CDYL: variants seen among roughly 807,000 people sequenced by gnomAD.
CDYL encodes the protein chromodomain Y like.
CDYL carries 8 observed loss-of-function variants against 47.3 expected under a neutral mutation model. The ratio of observed to expected loss-of-function variants is 0.17; its 90% CI spans 0.10 to 0.31. The LOEUF is 0.31. CDYL is among the 10% of genes least tolerant of loss of function. The pLI is 1.00. For missense variants in CDYL, 471 were observed against 701.4 expected (o/e 0.67, Z 3.71); for synonymous variants, 266 against 265.0 (o/e 1.00, Z -0.04).
intron 1 of CDYL, among the ~76,000 whole-genome samples, chr6:4,819,189 T>C (rs1052414738): frequency 1.3e-5 from 2 of 150,176 alleles, no homozygotes; most frequent in Non-Finnish European, 3.0e-5. Flanking sequence ...TGTGTAGCTC[T>C]TCACCAGTTT....
At chr6:4,845,416 TCTTAA>T (rs1389715750) in intron 1 of CDYL, among the ~76,000 whole-genome samples, 6 of 152,362 alleles carry the variant, frequency 3.9e-5, no homozygotes, top group African/African-American at 1.4e-4. Context: ...GATGAAGTAT[TCTTAA>T]CTTTAGTTTA....
intron 1 of CDYL, among the ~76,000 whole-genome samples, chr6:4,855,690 A>G (rs1561672158): frequency 1.3e-5 from 2 of 152,344 alleles, no homozygotes; most frequent in South Asian, 4.1e-4. Flanking sequence ...TGTAGTTTAC[A>G]TCACAATCTA....
chr6:4,747,168 G>A (rs981856638), intron 3 of CDYL, among the ~76,000 whole-genome samples: 9 of 152,022 alleles, frequency 5.9e-5, no homozygotes, highest in South Asian at 4.2e-4. Flanking sequence ...TTAGCCAAGA[G>A]TGGTGGCGGG....
At chr6:4,724,249 A>C (rs946858407) in intron 2 of CDYL, among the ~76,000 whole-genome samples, 1 of 151,594 alleles carries the variant, frequency 6.6e-6, no homozygotes, top group East Asian at 1.9e-4. Flanking sequence ...GGGTTTCATT[A>C]TATGTTGGCC....
intron 1 of CDYL, among the ~76,000 whole-genome samples, chr6:4,829,259 TAGAATTGG>T (rs1581195154): frequency 1.3e-5 from 2 of 152,212 alleles, no homozygotes; most frequent in Non-Finnish European, 2.9e-5. Flanking sequence ...TGTTGAAGGC[TAGAATTGG>T]CTGTTTAGTG....
intron 4 of CDYL, among the ~76,000 whole-genome samples, chr6:4,938,911 T>C (rs1451523372): frequency 6.6e-6 from 1 of 152,190 alleles, no homozygotes; most frequent in South Asian, 2.1e-4. Context: ...AATCACTCCA[T>C]GTATAATTAG....
intron 5 of CDYL, among the ~76,000 whole-genome samples, chr6:4,947,085 G>A (rs993406239): frequency 1.3e-5 from 2 of 152,200 alleles, no homozygotes; most frequent in Non-Finnish European, 2.9e-5. Flanking sequence ...CCAGGCCCTC[G>A]TGTTTTCTCA....
At chr6:4,739,191 A>AAAAAT (rs560432926) in intron 3 of CDYL, among the ~76,000 whole-genome samples, 7,248 of 149,110 alleles carry the variant, frequency 0.049, 258 homozygotes, top group East Asian at 0.16. Context: ...ATTAAATAAT[A>AAAAAT]AAAATAAAAT....
At chr6:4,842,372 C>T (rs952726744) in intron 1 of CDYL, among the ~76,000 whole-genome samples, 1 of 151,238 alleles carries the variant, frequency 6.6e-6, no homozygotes, top group Non-Finnish European at 1.5e-5. Context: ...ATTAAAGTCC[C>T]CCACTATATA....
In CDYL at chr6:4,776,780, C is replaced by G; in HGVS notation, c.-4C>G. 3.3e-6 allele frequency: 4 copies of G among 1,213,746 alleles called. No individual in the cohort carries two copies. The highest frequency in any genetic ancestry group is 4.2e-6 in the Non-Finnish European group (4 of 952,810). The allele number at this position is 1,213,746 out of a possible 1,614,324, so 75.2% of individuals were successfully genotyped here. ...CCCTCCCGCCCGCAACTCCGCCGCCCACCATGGCTTCCGAGGAGCTGTACG... is the reference window on the plus strand; with the variant it reads ...CCCTCCCGCCCGCAACTCCGCCGCCGACCATGGCTTCCGAGGAGCTGTACG... On this transcript the variant is annotated 5_prime_UTR_variant, in exon 1 of 7. Coordinates refer to ENST00000397588, the MANE Select transcript of CDYL (RefSeq NM_004824.4).
At chr6:4,889,232 TTC>T (rs1761974291) in intron 1 of CDYL, among the ~76,000 whole-genome samples, 1 of 152,132 alleles carries the variant, frequency 6.6e-6, no homozygotes, top group Non-Finnish European at 1.5e-5. Context: ...CTTTTTTTTT[TTC>T]TTTTTTTTGA....
At chr6:4,927,568 A>G (rs11758574) in intron 2 of CDYL, among the ~76,000 whole-genome samples, 4,561 of 151,962 alleles carry the variant, frequency 0.03, 86 homozygotes, top group South Asian at 0.042. Context: ...GGCATGCGCC[A>G]CCACACCCGA....
At chr6:4,843,742 A>G (rs1760572901) in intron 1 of CDYL, among the ~76,000 whole-genome samples, 2 of 151,852 alleles carry the variant, frequency 1.3e-5, no homozygotes, top group African/African-American at 2.4e-5. Context: ...TATCATTTTT[A>G]TGGTTTTATT....
intron 1 of CDYL, among the ~76,000 whole-genome samples, chr6:4,798,532 A>T (rs538931206): frequency 1.3e-5 from 2 of 152,324 alleles, no homozygotes; most frequent in South Asian, 4.1e-4. Context: ...AAGAGTAGAT[A>T]TGGTATACTT....
chr6:4,855,902 T>G (rs1440063697), intron 1 of CDYL, among the ~76,000 whole-genome samples: 2 of 152,242 alleles, frequency 1.3e-5, no homozygotes, highest in African/African-American at 2.4e-5. Flanking sequence ...AGCTCAGTAC[T>G]GGGCATCTCA....
intron 2 of CDYL, among the ~76,000 whole-genome samples, chr6:4,905,674 G>A (rs1757213845): frequency 1.3e-5 from 2 of 152,192 alleles, no homozygotes; most frequent in Admixed American, 6.5e-5. Context: ...GGAGCCACTC[G>A]CCCCCAGCAC....
At chr6:4,782,792 G>T (rs907234321) in intron 1 of CDYL, among the ~76,000 whole-genome samples, 2 of 152,096 alleles carry the variant, frequency 1.3e-5, no homozygotes, top group Admixed American at 1.3e-4. Flanking sequence ...CTTATCTGTG[G>T]CTGCCCTCCA....
In CDYL at chr6:4,953,332, G is replaced by A. The variant is rs781550331; in HGVS notation, c.1477-566G>A. 9.9e-5 allele frequency among the ~76,000 whole-genome samples: 15 copies of A among 151,790 alleles called. 1 individual carries two copies. In the East Asian group the frequency reaches 2.9e-3, roughly 30 times the overall value. On this transcript the variant is annotated intron_variant, in intron 6 of 6. Coordinates refer to ENST00000397588, the MANE Select transcript of CDYL (RefSeq NM_004824.4). ...CCGGGAGGCGGAGATTGCAGTGAGC[G>A]GAGATCCCGCCACTGCTGTCCAGCC...
intron 2 of CDYL, among the ~76,000 whole-genome samples, chr6:4,919,883 C>T (rs558134865): frequency 3.9e-5 from 6 of 152,122 alleles, no homozygotes; most frequent in African/African-American, 1.4e-4. Flanking sequence ...AATTGAAAGC[C>T]GGGTGGTGAA....
Sources: gnomAD v4.1 joint callset for allele counts (sites outside exome capture counted in the v4.1 genomes callset) on GRCh38, gnomAD v4.1.1 for gene constraint, MANE v1.5 for transcripts, NCBI Gene and HGNC (gene_info 2026-07-23, HGNC 2026-07-21) for gene names.